Variants in REV3L observed in about 807,000 individuals in gnomAD.
REV3L encodes DNA polymerase zeta catalytic subunit.
In REV3L, 69 loss-of-function variants were observed where a neutral mutation model predicts 299.4. The ratio of observed to expected loss-of-function variants is 0.23; its 90% CI spans 0.19 to 0.28. The LOEUF (loss-of-function observed/expected upper bound fraction) is 0.28. REV3L is among the 10% of genes least tolerant of loss of function. REV3L has a pLI of 1.00. For missense variants in REV3L, 3,128 were observed against 3,693.8 expected (o/e 0.85, Z 3.97); for synonymous variants, 1,238 against 1,271.4 (o/e 0.97, Z 0.56).
chr6:111,472,650 C>T (rs1792379301), intron 1 of REV3L, among the ~76,000 whole-genome samples: 1 of 151,620 alleles, frequency 6.6e-6, no homozygotes, highest in African/African-American at 2.4e-5. Context: ...CTTTGCTAGG[C>T]TTGTATTCAA....
At chr6:111,391,698 A>T (rs1247289312) in intron 5 of REV3L, among the ~76,000 whole-genome samples, 1 of 152,228 alleles carries the variant, frequency 6.6e-6, no homozygotes, top group Admixed American at 6.5e-5. Flanking sequence ...TTGGGAGGCC[A>T]GCCTGAGCAA....
intron 4 of REV3L, among the ~76,000 whole-genome samples, chr6:111,400,784 A>T (rs1392056969): frequency 6.6e-6 from 1 of 152,128 alleles, no homozygotes; most frequent in African/African-American, 2.4e-5. Context: ...TCATTGCCAA[A>T]CCCAAGACTG....
At chr6:111,483,244 GA>G (rs1300649473), upstream of REV3L, 469 of 478,254 alleles carry the variant, frequency 9.8e-4, no homozygotes, top group Non-Finnish European at 1.4e-3. Context: ...GGGGAGGGGA[GA>G]GGGGGGTGTG....
intron 1 of REV3L, 115 bp downstream of exon 1, chr6:111,482,634 GC>G (rs1448894777): frequency 1.9e-6 from 1 of 533,568 alleles, no homozygotes; most frequent in Non-Finnish European, 2.5e-6. Flanking sequence ...GGAAGACGCG[GC>G]AGCGATCCAC....
chr6:111,371,859 C>T (rs148970254), intron 13 of REV3L, among the ~76,000 whole-genome samples: 195 of 152,042 alleles, frequency 1.3e-3, no homozygotes, highest in African/African-American at 4.4e-3. Context: ...CCACTGTGCC[C>T]GGCCTAATTT....
In REV3L at chr6:111,376,494, T is replaced by G. The variant is rs920047422; in HGVS notation, c.1861A>C (p.Ser621Arg). The change falls in exon 13 of 32, where the codon AGC (serine) becomes CGC (arginine). Residue 621 changes from serine (S) to arginine (R), a missense_variant. Ser to Arg is a moderately radical substitution (Grantham distance 110). This residue lies in a region of REV3L where 2,409 missense variants were observed against 2,611.8 expected (regional missense o/e 0.92). Transcript: ENST00000368802. ...CCAGGGTATTTCATAGAATAAGTGC[T>G]TTCGTTTGTAAAAGAAGTGACTGAG... ...DNSVTSFTNE[S>R]TYSMKYPGSL... 1.2e-6 allele frequency: 2 copies of G among 1,613,194 alleles called. No homozygotes were observed. The highest frequency in any genetic ancestry group is 2.7e-5 in the African/African-American group (2 of 74,860).
intron 21 of REV3L, 97 bp downstream of exon 21, chr6:111,343,828 C>A: frequency 1.2e-6 from 1 of 860,842 alleles, no homozygotes; most frequent in Non-Finnish European, 1.7e-6. Context: ...CCGCAACTGG[C>A]CTGAACAATA....
Position 111,333,284 on chromosome 6 carries a change from C to G in REV3L, c.7764G>C (p.Gln2588His), listed in dbSNP as rs772850133. Residue 2588 changes from glutamine (Q) to histidine (H), a missense_variant, in exon 23 of 32, where the codon CAG becomes CAC. Transcript: ENST00000368802. ...GAGGAACACACTGTGGGGCTCTCAT[C>G]TGGGATCTTTGCTGAACACTAGGTG... The part of the protein sequence containing the change: ...PVTPSVQQRS[Q>H]MRAPQCVPLI... 2 of 1,614,088 alleles carry G rather than the reference C, an allele frequency of 1.2e-6. No individual in the cohort carries two copies. Among genetic ancestry groups the G allele is most frequent in the South Asian group, 1.1e-5 (1 of 91,088 alleles).
intron 4 of REV3L, among the ~76,000 whole-genome samples, chr6:111,405,054 T>C (rs1459941786): frequency 1.3e-5 from 2 of 151,954 alleles, no homozygotes; most frequent in Non-Finnish European, 2.9e-5. Flanking sequence ...ATTTCTAGAA[T>C]TGTGTATCAT....
intron 5 of REV3L, among the ~76,000 whole-genome samples, chr6:111,391,887 G>A (rs1485472892): frequency 6.6e-6 from 1 of 152,348 alleles, no homozygotes; most frequent in Non-Finnish European, 1.5e-5. Flanking sequence ...TTCTTGGGAG[G>A]CTAAGGTGGG....
intron 1 of REV3L, among the ~76,000 whole-genome samples, chr6:111,420,065 T>C (rs1222318502): frequency 6.6e-6 from 1 of 152,186 alleles, no homozygotes; most frequent in Non-Finnish European, 1.5e-5. Context: ...CAGGATGGTC[T>C]CGATCTCCTG....
intron 3 of REV3L, among the ~76,000 whole-genome samples, chr6:111,408,838 CA>C (rs1301472534): frequency 3.3e-5 from 5 of 152,174 alleles, no homozygotes; most frequent in Middle Eastern, 6.8e-3. Flanking sequence ...GTGCTTGCCA[CA>C]AGCCCAACTA....
chr6:111,403,973 T>G (rs1281196547), intron 4 of REV3L, among the ~76,000 whole-genome samples: 1 of 152,234 alleles, frequency 6.6e-6, no homozygotes, highest in East Asian at 1.9e-4. Flanking sequence ...CAGGGGCTGA[T>G]GTAGAAGCTG....
intron 30 of REV3L, 125 bp downstream of exon 30, chr6:111,309,728 A>C: frequency 9.6e-7 from 1 of 1,041,364 alleles, no homozygotes; most frequent in Admixed American, 2.7e-5. Flanking sequence ...GTATCATTTT[A>C]CGGGACCACA....
At chr6:111,312,938 C>T (rs1294935649) in intron 28 of REV3L, 1 of 153,354 alleles carries the variant, frequency 6.5e-6, no homozygotes, top group Admixed American at 6.5e-5. Flanking sequence ...AGGCAGGAAA[C>T]TCTCATGTAT....
chr6:111,400,031 G>T (rs1782928379), intron 4 of REV3L, among the ~76,000 whole-genome samples: 2 of 151,972 alleles, frequency 1.3e-5, no homozygotes, highest in Non-Finnish European at 2.9e-5. Flanking sequence ...TATCCTTTTC[G>T]GTCTGGCTTC....
At chr6:111,404,296 C>G (rs543410263) in intron 4 of REV3L, among the ~76,000 whole-genome samples, 4 of 152,246 alleles carry the variant, frequency 2.6e-5, no homozygotes, top group Admixed American at 2.6e-4. Flanking sequence ...ATATTTTAAG[C>G]CCATTTTTGA....
intron 25 of REV3L, among the ~76,000 whole-genome samples, chr6:111,328,909 G>A (rs1775100432): frequency 2.0e-5 from 3 of 152,086 alleles, no homozygotes; most frequent in African/African-American, 7.2e-5. Context: ...GGGACCACAG[G>A]CACATAACAC....
intron 4 of REV3L, among the ~76,000 whole-genome samples, chr6:111,403,126 G>A (rs1158780279): frequency 6.6e-6 from 1 of 152,168 alleles, no homozygotes; most frequent in Non-Finnish European, 1.5e-5. Context: ...ATTATGCTAA[G>A]TAGGAAAAAA....
Sources: allele counts gnomAD v4.1 joint callset (sites outside exome capture counted in the v4.1 genomes callset), GRCh38; gene constraint gnomAD v4.1.1; regional missense constraint gnomAD v4.1.1; transcripts MANE v1.5; gene names NCBI Gene and HGNC (gene_info 2026-07-23, HGNC 2026-07-21).